ZCCHC17: variants seen among roughly 807,000 people sequenced by gnomAD.
ZCCHC17 encodes zinc finger CCHC domain-containing protein 17.
Under a neutral mutation model 30.6 loss-of-function variants are expected in ZCCHC17, and 18 were observed. That is an observed-to-expected ratio of 0.59 (90% confidence interval 0.41 to 0.87). The LOEUF (loss-of-function observed/expected upper bound fraction) is 0.87, where lower values mean the gene tolerates loss of function less well. Among genes scored for constraint, ZCCHC17 ranks in the 40% least tolerant of loss-of-function variants. The probability of loss-of-function intolerance (pLI) is 0.00; values close to 1 mark genes in which losing one functional copy is unlikely to be tolerated. For synonymous variants in ZCCHC17, 88 were observed against 92.4 expected, an observed-to-expected ratio of 0.95 and a Z score of 0.27; for missense variants, 263 against 284.2, an observed-to-expected ratio of 0.93 and a Z score of 0.54.
At chr1:31,346,888 A>T (rs1250780017) in intron 6 of ZCCHC17, 148 bp downstream of exon 6, 1 of 1,484,206 alleles carries the variant, frequency 6.7e-7, no homozygotes, top group Non-Finnish European at 9.0e-7. Context: ...GACTCACATC[A>T]GAGTTCATGG....
intron 5 of ZCCHC17, among the ~76,000 whole-genome samples, chr1:31,344,410 C>G (rs1639164804): frequency 6.6e-6 from 1 of 152,164 alleles, no homozygotes; most frequent in Non-Finnish European, 1.5e-5. Context: ...ATGTTTTGTT[C>G]GTTTTGGTAT....
intron 7 of ZCCHC17, 86 bp downstream of exon 7, chr1:31,349,060 C>G: frequency 4.2e-6 from 6 of 1,439,420 alleles, no homozygotes; most frequent in Non-Finnish European, 5.6e-6. Context: ...CAGTACACAC[C>G]TGTAGTCCCA....
In ZCCHC17 at chr1:31,353,028, T is replaced by C. The variant is rs565224931; in HGVS notation, c.564+4054T>C. Among the ~76,000 whole-genome samples the C allele has an allele frequency of 2.6e-5, 4 of 152,318 alleles. No individual in the cohort carries two copies. In the South Asian group the frequency reaches 6.2e-4, roughly 24 times the overall value. ...GTCACTACATCCTTGCCAACACTTA[T>C]TTTCTGGGTTTTGTGTTTTTTGGAG... On this transcript the variant is annotated intron_variant, in intron 7 of 7. Coordinates refer to ENST00000344147, the MANE Select transcript of ZCCHC17 (RefSeq NM_016505.4).
At chr1:31,343,529 T>C (rs549660336) in intron 5 of ZCCHC17, among the ~76,000 whole-genome samples, 2 of 152,260 alleles carry the variant, frequency 1.3e-5, no homozygotes, top group South Asian at 2.1e-4. Context: ...CTAACTCTTA[T>C]ATTCATCCCC....
chr1:31,313,938 C>T (rs1451332434), intron 2 of ZCCHC17, among the ~76,000 whole-genome samples: 2 of 151,694 alleles, frequency 1.3e-5, no homozygotes, highest in Non-Finnish European at 1.5e-5. Context: ...AATCTCGGCT[C>T]ACTGCAACCT....
At position 31,334,303 on chromosome 1, in the gene ZCCHC17, A is replaced by ATCTCTCTCTCTCTCTC. The variant is rs373770669; in HGVS notation, c.125-2852_125-2837dup. On this transcript the variant is annotated intron_variant, in intron 3 of 7. Coordinates refer to ENST00000344147, the MANE Select transcript of ZCCHC17 (RefSeq NM_016505.4). The stretch of plus-strand genomic sequence containing the variant: ...CAGGCATCTGCAGGCATCCATGTGC[A>ATCTCTCTCTCTCTCTC]TCTCTCTCTCTCTCTCTCTCTCTCT... Among the ~76,000 whole-genome samples, 11 of 51,590 alleles carry ATCTCTCTCTCTCTCTC rather than the reference A, an allele frequency of 2.1e-4. 1 individual carries two copies. The highest frequency in any genetic ancestry group is 3.8e-4 in the African/African-American group (7 of 18,660). The allele number at this position is 51,590 out of a possible 152,430, so 33.8% of individuals were successfully genotyped here. A position where few individuals can be genotyped will look rare whatever the true frequency, so the allele number is the denominator to read the frequency against.
intron 1 of ZCCHC17, among the ~76,000 whole-genome samples, chr1:31,303,814 C>T (rs975674492): frequency 3.3e-5 from 5 of 152,208 alleles, no homozygotes; most frequent in African/African-American, 1.2e-4. Context: ...TAATTACCAA[C>T]ATTATGAAAT....
intron 3 of ZCCHC17, among the ~76,000 whole-genome samples, chr1:31,323,614 C>T (rs951111612): frequency 2.0e-5 from 3 of 152,160 alleles, no homozygotes; most frequent in Non-Finnish European, 1.5e-5. Flanking sequence ...AGCCACCGAG[C>T]CCGGCCTAGA....
chr1:31,337,158 C>T lies in ZCCHC17; in HGVS notation c.125-17C>T. On this transcript the variant is annotated splice_polypyrimidine_tract_variant and intron_variant, in intron 3 of 7. Transcript: ENST00000344147. The stretch of plus-strand genomic sequence containing the variant: ...ATATGCCCTCTGCTTTACGTTATTT[C>T]TTCTTCTTGTGCCCAGGTCTGGTCC... 1 of 1,606,974 alleles carries T rather than the reference C, an allele frequency of 6.2e-7. No homozygotes were observed. The highest frequency in any genetic ancestry group is 1.1e-5 in the South Asian group (1 of 90,676).
intron 7 of ZCCHC17, among the ~76,000 whole-genome samples, chr1:31,350,045 A>G (rs151138120): frequency 2.0e-5 from 3 of 152,288 alleles, no homozygotes; most frequent in African/African-American, 4.8e-5. Flanking sequence ...CATCTCCTAT[A>G]TCTACTATTT....
chr1:31,360,326 C>T (rs989210910), intron 7 of ZCCHC17, among the ~76,000 whole-genome samples: 1 of 152,208 alleles, frequency 6.6e-6, no homozygotes, highest in East Asian at 1.9e-4. Context: ...TGTGCCACCA[C>T]GCCCAGCTAA....
chr1:31,358,544 T>C (rs1293811466), intron 7 of ZCCHC17, among the ~76,000 whole-genome samples: 4 of 152,094 alleles, frequency 2.6e-5, no homozygotes, highest in African/African-American at 4.8e-5. Flanking sequence ...TTTGAAGATA[T>C]AAGAGCAGGT....
chr1:31,297,270 C>A (rs1027393377), intron 1 of ZCCHC17, 195 bp downstream of exon 1: 18 of 398,106 alleles, frequency 4.5e-5, no homozygotes, highest in Non-Finnish European at 8.0e-5. Context: ...GGGTCTCTGG[C>A]GGCAAGACCC....
chr1:31,336,487 A>AT (rs927163250), intron 3 of ZCCHC17, among the ~76,000 whole-genome samples: 1 of 152,196 alleles, frequency 6.6e-6, no homozygotes, highest in Non-Finnish European at 1.5e-5. Flanking sequence ...GGAGCATTAC[A>AT]TTTTTTAAAT....
At chr1:31,349,102 T>C in intron 7 of ZCCHC17, 128 bp downstream of exon 7, 5 of 1,149,804 alleles carry the variant, frequency 4.3e-6, no homozygotes, top group Non-Finnish European at 5.9e-6. Flanking sequence ...GGAGGATTGC[T>C]CGAGGCCAGA....
At chr1:31,360,177 G>A (rs1569944684) in intron 7 of ZCCHC17, among the ~76,000 whole-genome samples, 1 of 143,634 alleles carries the variant, frequency 7.0e-6, no homozygotes, top group East Asian at 2.0e-4. Context: ...GTTTTGTTTT[G>A]TTTTGTTTTG....
At chr1:31,309,832 C>G (rs1021887132) in intron 1 of ZCCHC17, among the ~76,000 whole-genome samples, 2 of 151,810 alleles carry the variant, frequency 1.3e-5, no homozygotes, top group Non-Finnish European at 2.9e-5. Context: ...AATTAGTAGC[C>G]TAATGGCCTT....
At chr1:31,358,763 A>G (rs997729508) in intron 7 of ZCCHC17, among the ~76,000 whole-genome samples, 1 of 152,164 alleles carries the variant, frequency 6.6e-6, no homozygotes, top group African/African-American at 2.4e-5. Context: ...CAAGTAGACC[A>G]TAGAGTAGAC....
chr1:31,333,997 C>T (rs1329449519), intron 3 of ZCCHC17, among the ~76,000 whole-genome samples: 1 of 152,178 alleles, frequency 6.6e-6, no homozygotes, highest in African/African-American at 2.4e-5. Context: ...TGAATTTCCT[C>T]TTCAAACTTT....
Sources: gnomAD v4.1 joint callset for allele counts (sites outside exome capture counted in the v4.1 genomes callset) on GRCh38, gnomAD v4.1.1 for gene constraint, MANE v1.5 for transcripts, NCBI Gene and HGNC (gene_info 2026-07-23, HGNC 2026-07-21) for gene names.